The following FAM118B variants were observed in gnomAD, a reference collection of about 807,000 sequenced individuals.
The protein encoded by FAM118B is protein FAM118B.
Under a neutral mutation model 38.5 loss-of-function variants are expected in FAM118B, and 24 were observed. The ratio of observed to expected loss-of-function variants is 0.62; its 90% CI spans 0.45 to 0.88. The LOEUF (loss-of-function observed/expected upper bound fraction) is 0.88, where lower values mean the gene tolerates loss of function less well. Among genes scored for constraint, FAM118B ranks in the 40% least tolerant of loss-of-function variants. The probability of loss-of-function intolerance (pLI) is 0.00; values close to 1 mark genes in which losing one functional copy is unlikely to be tolerated. For synonymous variants in FAM118B, 138 were observed against 156.3 expected, an observed-to-expected ratio of 0.88 and a Z score of 0.87; for missense variants, 334 against 420.0, an observed-to-expected ratio of 0.80 and a Z score of 1.79.
intron 1 of FAM118B, among the ~76,000 whole-genome samples, chr11:126,227,717 G>A (rs1396926107): frequency 1.3e-5 from 2 of 152,112 alleles, no homozygotes; most frequent in Admixed American, 1.3e-4. Flanking sequence ...ATTTCACCTG[G>A]TGCAGCCAAG....
In FAM118B at chr11:126,240,934, A is replaced by T; in HGVS notation, c.229A>T (p.Ile77Phe). ...GLIQALLDAA[I>F]DFDLLEDEES... ...AATTCAGGCCTTACTGGATGCTGCC[A>T]TTGATTTTGATCTTTTAGAAGATGA... The change falls in exon 4 of 9, where the codon ATT becomes TTT. Residue 77 changes from isoleucine to phenylalanine, a missense_variant. Ile to Phe is a conservative substitution (Grantham distance 21). Transcript: ENST00000533050. The T allele has an allele frequency of 1.2e-6, 2 of 1,614,186 alleles. No individual in the cohort carries two copies. Among genetic ancestry groups the T allele is most frequent in the Non-Finnish European group, 8.5e-7 (1 of 1,180,034 alleles).
At position 126,235,059 on chromosome 11, in the gene FAM118B, G is replaced by A. The variant is rs770147473; in HGVS notation, c.58G>A (p.Asp20Asn). The A allele has an allele frequency of 5.0e-6, 8 of 1,613,952 alleles. No individual in the cohort carries two copies. The Admixed American group carries it at 6.7e-5, about 13-fold the overall frequency. Residue 20 changes from aspartate to asparagine, a missense_variant, in exon 3 of 9, where the codon GAT becomes AAT. Transcript: ENST00000533050. ...DIDEIFGFFN[D>N]GEPPTKKPRK... ...AGACGAGATTTTTGGATTCTTCAACGATGGCGAACCTCCCACCAAAAAGCC... is the reference window on the plus strand; with the variant it reads ...AGACGAGATTTTTGGATTCTTCAACAATGGCGAACCTCCCACCAAAAAGCC...
chr11:126,258,709 T>C (rs1950621038), intron 7 of FAM118B, among the ~76,000 whole-genome samples: 1 of 152,246 alleles, frequency 6.6e-6, no homozygotes, highest in African/African-American at 2.4e-5. Flanking sequence ...GCACATGTTG[T>C]TTTCATTAAC....
intron 1 of FAM118B, among the ~76,000 whole-genome samples, chr11:126,219,900 T>A (rs1425945411): frequency 2.0e-5 from 3 of 151,878 alleles, no homozygotes; most frequent in African/African-American, 7.3e-5. Context: ...GTTTTTTTTT[T>A]AAGTTAATTT....
chr11:126,252,152 A>G lies in FAM118B; in HGVS notation c.567+1419A>G, dbSNP rs921803143. On this transcript the variant is annotated intron_variant, in intron 5 of 8. Transcript: ENST00000533050. The surrounding 1 kb of genome is among the most constrained non-coding windows in gnomAD (Gnocchi z 4.7). ...CAGGCACCCGCCATCACGTCTGGCT[A>G]ATTTTTGTATTTTCAGTAGAGACAG... Among the ~76,000 whole-genome samples, 3 of 150,168 alleles carry G rather than the reference A, an allele frequency of 2.0e-5. No homozygotes were observed. The highest frequency in any genetic ancestry group is 7.4e-5 in the African/African-American group (3 of 40,672).
rs949920523 is a variant in FAM118B, at chr11:126,261,971, G to A, written c.1043-149G>A. On this transcript the variant is annotated intron_variant, in intron 8 of 8. Coordinates refer to ENST00000533050, the MANE Select transcript of FAM118B (RefSeq NM_024556.4). ...GTGACAAAGACCTTGTCTCTAAAAA[G>A]TAAATAAAATTTTAAATAAATTACA... 7.8e-6 allele frequency: 6 copies of A among 772,396 alleles called. No homozygotes were observed. The African/African-American group carries it at 1.1e-4, about 14-fold the overall frequency. 47.8% of individuals were successfully genotyped at this position (772,396 alleles called of 1,614,324 possible).
At chr11:126,249,878 G>A (rs1394265673) in intron 4 of FAM118B, among the ~76,000 whole-genome samples, 1 of 151,950 alleles carries the variant, frequency 6.6e-6, no homozygotes, top group African/African-American at 2.4e-5. Context: ...GGTAGTTGTC[G>A]CTCTGCTTTG....
At chr11:126,233,240 C>T (rs1014946623) in intron 2 of FAM118B, among the ~76,000 whole-genome samples, 1 of 152,148 alleles carries the variant, frequency 6.6e-6, no homozygotes, top group African/African-American at 2.4e-5. Flanking sequence ...CTTTGGGAGG[C>T]TGAGGCGGGC....
intron 7 of FAM118B, chr11:126,260,387 AAT>A (rs1950664104): frequency 7.7e-6 from 1 of 129,834 alleles, no homozygotes; most frequent in African/African-American, 3.3e-5. Flanking sequence ...TTGTAAACAA[AAT>A]ATAGTGATTT....
chr11:126,240,672 T>A (rs1483955682), intron 3 of FAM118B, 120 bp from the exon 4 acceptor site: 1 of 1,006,706 alleles, frequency 9.9e-7, no homozygotes, highest in East Asian at 2.4e-5. Context: ...CAAAAACTGC[T>A]GTTCATCTTC....
intron 7 of FAM118B, among the ~76,000 whole-genome samples, chr11:126,259,219 G>C (rs12804014): frequency 0.11 from 16,438 of 152,118 alleles, 1,154 homozygotes; most frequent in Non-Finnish European, 0.16. Context: ...AGAGGTTACA[G>C]GTCTTTTGCT....
At position 126,244,226 on chromosome 11, in the gene FAM118B, C is replaced by T. The variant is rs749877772; in HGVS notation, c.339+3182C>T. On this transcript the variant is annotated intron_variant, in intron 4 of 8. Transcript: ENST00000533050. This position sits in a 1 kb window ranked among gnomAD's most constrained non-coding sequence, Gnocchi z 4.5. ...CACTCCACTCCTGTCCAACATGGTG[C>T]TGGATGTTCTAGACCGGGCAGTTAA... Among the ~76,000 whole-genome samples the T allele has an allele frequency of 3.3e-5, 5 of 152,076 alleles. No individual in the cohort carries two copies. Among genetic ancestry groups the T allele is most frequent in the Non-Finnish European group, 5.9e-5 (4 of 68,002 alleles).
intron 1 of FAM118B, among the ~76,000 whole-genome samples, chr11:126,223,713 C>G (rs1176347712): frequency 6.6e-6 from 1 of 152,070 alleles, no homozygotes; most frequent in Non-Finnish European, 1.5e-5. Flanking sequence ...GCCCTTGAAT[C>G]ATTTGCCAGA....
intron 1 of FAM118B, among the ~76,000 whole-genome samples, chr11:126,214,757 C>A (rs1246154167): frequency 6.6e-6 from 1 of 151,780 alleles, no homozygotes; most frequent in Non-Finnish European, 1.5e-5. Context: ...ATAATATGTG[C>A]CCCTAAAGTA....
At chr11:126,246,306 A>G (rs770522702) in intron 4 of FAM118B, among the ~76,000 whole-genome samples, 2 of 152,220 alleles carry the variant, frequency 1.3e-5, no homozygotes, top group Non-Finnish European at 2.9e-5. Flanking sequence ...GTACTATGGC[A>G]GGGTTAACAG....
Position 126,250,326 on chromosome 11 carries a change from C to T in FAM118B, c.340-180C>T, listed in dbSNP as rs1214638326. Among the ~76,000 whole-genome samples the T allele has an allele frequency of 1.3e-5, 2 of 152,100 alleles. No homozygotes were observed. Among genetic ancestry groups the T allele is most frequent in the Admixed American group, 6.5e-5 (1 of 15,272 alleles). ...CAGGATGGTCTCGATCTCCTGACCT[C>T]GTGATCCGCCCGCCTCGGTCTCCCA... On this transcript the variant is annotated intron_variant, in intron 4 of 8. Coordinates refer to ENST00000533050, the MANE Select transcript of FAM118B (RefSeq NM_024556.4). This position sits in a 1 kb window ranked among gnomAD's most constrained non-coding sequence, Gnocchi z 5.1.
intron 4 of FAM118B, among the ~76,000 whole-genome samples, chr11:126,243,004 C>A (rs756469365): frequency 2.0e-5 from 3 of 152,176 alleles, no homozygotes; most frequent in Non-Finnish European, 2.9e-5. Context: ...AATGTCTGTC[C>A]ATGCAATGTT....
chr11:126,222,995 A>T (rs1428381741), intron 1 of FAM118B, among the ~76,000 whole-genome samples: 2 of 150,130 alleles, frequency 1.3e-5, no homozygotes, highest in African/African-American at 2.4e-5. Flanking sequence ...ACCAGGCTAC[A>T]GATGGTAACA....
Position 126,235,098 on chromosome 11 carries a change from G to GA in FAM118B, c.86+13dup. ...CACCAAAAAGCCCAGGTAAACAAGA[G>GA]AAGGGAATCAGCAGAGTAAATTACC... On this transcript the variant is annotated intron_variant, in intron 3 of 8. Coordinates refer to ENST00000533050, the MANE Select transcript of FAM118B (RefSeq NM_024556.4). 6.2e-7 allele frequency: 1 copy of GA among 1,612,654 alleles called. No homozygotes were observed. The highest frequency in any genetic ancestry group is 8.5e-7 in the Non-Finnish European group (1 of 1,178,810).
Sources: gnomAD v4.1 joint callset for allele counts (sites outside exome capture counted in the v4.1 genomes callset) on GRCh38, gnomAD v4.1.1 for gene constraint, Gnocchi (gnomAD v3.1) non-coding constraint, MANE v1.5 for transcripts, NCBI Gene and HGNC (gene_info 2026-07-23, HGNC 2026-07-21) for gene names.